Variants in TPRG1 observed in about 807,000 individuals in gnomAD.
The protein encoded by TPRG1 is tumor protein p63-regulated gene 1 protein.
A neutral mutation model predicts 29.3 loss-of-function variants in TPRG1; 29 were observed. That is an observed-to-expected ratio of 0.99 (90% confidence interval 0.74 to 1.35). The LOEUF (loss-of-function observed/expected upper bound fraction) is 1.35, where lower values mean the gene tolerates loss of function less well. TPRG1 is among the 40% of genes most tolerant of loss of function. The pLI is 0.00. For missense variants in TPRG1, 327 were observed against 335.0 expected, an observed-to-expected ratio of 0.98 and a Z score of 0.19; for synonymous variants, 130 against 116.8, an observed-to-expected ratio of 1.11 and a Z score of -0.73.
chr3:189,177,857 G>A (rs1729702141), intron 1 of TPRG1, among the ~76,000 whole-genome samples: 2 of 152,164 alleles, frequency 1.3e-5, no homozygotes, highest in South Asian at 4.1e-4. Flanking sequence ...GAATATTCTT[G>A]CTACTTCCTC....
chr3:189,167,825 G>A (rs1347623359), upstream of TPRG1, among the ~76,000 whole-genome samples: 3 of 152,102 alleles, frequency 2.0e-5, no homozygotes, highest in Non-Finnish European at 2.9e-5. Flanking sequence ...AGAGAGTCTC[G>A]AAGTATTGCA....
At chr3:189,225,103 C>T (rs1208636792) in intron 3 of TPRG1, among the ~76,000 whole-genome samples, 2 of 151,850 alleles carry the variant, frequency 1.3e-5, no homozygotes, top group Non-Finnish European at 1.5e-5. Context: ...GGCTAATTTT[C>T]TGTATTTTTA....
chr3:189,237,210 T>C (rs545763125), intron 3 of TPRG1, among the ~76,000 whole-genome samples: 1 of 152,234 alleles, frequency 6.6e-6, no homozygotes, highest in Admixed American at 6.5e-5. Context: ...TACTGCAGGC[T>C]ATTTGACTGA....
chr3:189,169,149 C>T (rs1728502259), upstream of TPRG1, among the ~76,000 whole-genome samples: 1 of 152,136 alleles, frequency 6.6e-6, no homozygotes, highest in Non-Finnish European at 1.5e-5. Context: ...AGAGGAAGAA[C>T]AATAATTTGT....
intron 3 of TPRG1, among the ~76,000 whole-genome samples, chr3:189,224,731 T>A (rs1270685530): frequency 6.6e-6 from 1 of 152,142 alleles, no homozygotes; most frequent in Non-Finnish European, 1.5e-5. Flanking sequence ...CATAGGCCAT[T>A]TCCACTCTGG....
chr3:189,051,274 T>C (rs1452279634), intron 4 of TPRG1, among the ~76,000 whole-genome samples: 1 of 152,056 alleles, frequency 6.6e-6, no homozygotes, highest in African/African-American at 2.4e-5. Context: ...AATCAGTAGC[T>C]CTTCTATACA....
chr3:189,248,112 A>T (rs1458446567), intron 4 of TPRG1, among the ~76,000 whole-genome samples: 1 of 151,910 alleles, frequency 6.6e-6, no homozygotes, highest in Non-Finnish European at 1.5e-5. Flanking sequence ...TGTTTCACCT[A>T]TGAAAATGCC....
intron 4 of TPRG1, among the ~76,000 whole-genome samples, chr3:189,297,760 A>G (rs1353286254): frequency 6.6e-6 from 1 of 152,150 alleles, no homozygotes; most frequent in African/African-American, 2.4e-5. Context: ...TGTCCTTCAA[A>G]GAGCATATCG....
upstream of TPRG1, among the ~76,000 whole-genome samples, chr3:189,170,760 C>T (rs868483690): frequency 6.6e-6 from 1 of 152,156 alleles, no homozygotes; most frequent in Admixed American, 6.5e-5. Flanking sequence ...TCCTGAGTGG[C>T]GAGTTGCCAG....
intron 5 of TPRG1, among the ~76,000 whole-genome samples, chr3:189,319,299 C>G (rs1255044998): frequency 1.3e-5 from 2 of 152,044 alleles, no homozygotes; most frequent in African/African-American, 2.4e-5. Context: ...TATTGAAAAT[C>G]TCTAAGAGGA....
intron 4 of TPRG1, among the ~76,000 whole-genome samples, chr3:189,031,255 C>T (rs905968246): frequency 6.6e-6 from 1 of 150,632 alleles, no homozygotes; most frequent in Admixed American, 6.6e-5. Flanking sequence ...TGCGCCACTG[C>T]ACTCCAGCCT....
rs1560430791 is a variant in TPRG1 at position 189,078,101 on chromosome 3, CTT to C, written c.-462-48954_-462-48953del. Reference sequence around the variant, plus strand: ...TCTTTCTCTCTTTCTCTCTTTCTTTCTTTCTTTCTTTCTTTCTTTCTTTCTTT... The same window carrying C: ...TCTTTCTCTCTTTCTCTCTTTCTTTCTCTTTCTTTCTTTCTTTCTTTCTTT... On this transcript the variant is annotated intron_variant, in intron 4 of 10. Transcript: ENST00000433971. Among the ~76,000 whole-genome samples, 347 of 124,208 alleles carry C rather than the reference CTT, an allele frequency of 2.8e-3. 2 individuals carry two copies. The highest frequency in any genetic ancestry group is 0.017 in the East Asian group (70 of 4,036). 81.5% of individuals were successfully genotyped at this position (124,208 alleles called of 152,430 possible). A position where few individuals can be genotyped will look rare whatever the true frequency, so the allele number is the denominator to read the frequency against.
chr3:189,115,621 T>C (rs1414840431), intron 1 of TPRG1, among the ~76,000 whole-genome samples: 2 of 152,234 alleles, frequency 1.3e-5, no homozygotes, highest in Non-Finnish European at 2.9e-5. Flanking sequence ...ATTGTAGGCC[T>C]GGGCTTTAAA....
intron 2 of TPRG1, among the ~76,000 whole-genome samples, chr3:189,002,275 G>A (rs1712064309): frequency 1.3e-5 from 2 of 151,434 alleles, no homozygotes; most frequent in Non-Finnish European, 2.9e-5. Flanking sequence ...CTCCACAGAG[G>A]CCAACATTCT....
chr3:189,035,209 G>C (rs555613558), intron 4 of TPRG1, among the ~76,000 whole-genome samples: 10 of 152,136 alleles, frequency 6.6e-5, no homozygotes, highest in African/African-American at 2.4e-4. Flanking sequence ...CTTAATTAAT[G>C]GTACTGGGAT....
At chr3:189,181,667 A>G (rs1730241531) in intron 1 of TPRG1, among the ~76,000 whole-genome samples, 1 of 152,174 alleles carries the variant, frequency 6.6e-6, no homozygotes, top group Non-Finnish European at 1.5e-5. Flanking sequence ...GCAAGTCTCT[A>G]AGAAGTCTCA....
intron 2 of TPRG1, among the ~76,000 whole-genome samples, chr3:189,210,156 A>T (rs1735040498): frequency 6.6e-6 from 1 of 152,168 alleles, no homozygotes; most frequent in South Asian, 2.1e-4. Context: ...TTGGATGTAT[A>T]TGCATATATT....
At chr3:189,166,235 C>A (rs1001002616) in intron 5 of TPRG1, among the ~76,000 whole-genome samples, 1 of 152,218 alleles carries the variant, frequency 6.6e-6, no homozygotes, top group African/African-American at 2.4e-5. Context: ...GCCATAGGAT[C>A]TTCCTCTCTG....
intron 4 of TPRG1, among the ~76,000 whole-genome samples, chr3:189,277,590 A>G (rs770849468): frequency 3.0e-4 from 46 of 152,234 alleles, no homozygotes; most frequent in Admixed American, 9.2e-4. Flanking sequence ...TTTGGACAGT[A>G]TACAGAATAG....
Sources: gnomAD v4.1 joint callset for allele counts (sites outside exome capture counted in the v4.1 genomes callset) on GRCh38, gnomAD v4.1.1 for gene constraint, MANE v1.5 for transcripts, NCBI Gene and HGNC (gene_info 2026-07-23, HGNC 2026-07-21) for gene names.